Variants in TRPM3 observed in about 807,000 individuals in gnomAD.
TRPM3 encodes long transient receptor potential channel 3.
A neutral mutation model predicts 181.2 loss-of-function variants in TRPM3; 77 were observed. That is an observed-to-expected ratio of 0.42 (90% CI 0.35 to 0.51). TRPM3 has a LOEUF of 0.51. Among genes scored for constraint, TRPM3 ranks in the 20% least tolerant of loss-of-function variants. TRPM3 has a pLI of 0.01. For missense variants in TRPM3, 1,759 were observed against 2,196.7 expected, an observed-to-expected ratio of 0.80 and a Z score of 3.98; for synonymous variants, 745 against 796.4, an observed-to-expected ratio of 0.94 and a Z score of 1.09.
chr9:71,183,285 C>T (rs73647960), intron 1 of TRPM3, among the ~76,000 whole-genome samples: 30 of 152,210 alleles, frequency 2.0e-4, no homozygotes, highest in African/African-American at 5.1e-4. Context: ...ACTACCTGTT[C>T]GTCTCCTGCC....
intron 1 of TRPM3, among the ~76,000 whole-genome samples, chr9:71,292,813 C>T (rs2085927593): frequency 6.6e-6 from 1 of 151,826 alleles, no homozygotes; most frequent in African/African-American, 2.4e-5. Context: ...ACTTTTGATA[C>T]TGACACCAAA....
At position 70,846,364 on chromosome 9, in the gene TRPM3, C is replaced by T. The variant is rs761433265; in HGVS notation, c.676+14G>A. The T allele has an allele frequency of 2.5e-6, 4 of 1,610,280 alleles. No individual in the cohort carries two copies. In the African/African-American group the frequency reaches 5.3e-5, roughly 22 times the overall value. On this transcript the variant is annotated intron_variant, in intron 4 of 25. Transcript: ENST00000677713. ...ATGGCCTATGTTGACTTTCTCTGTT[C>T]CACTTGCAATTACCTGTGTTAACCC...
intron 1 of TRPM3, among the ~76,000 whole-genome samples, chr9:71,067,058 C>A (rs1456866828): frequency 1.1e-5 from 1 of 90,706 alleles, no homozygotes; most frequent in African/African-American, 2.9e-5. Context: ...TCTGTCAGCT[C>A]TTGAAACTCC....
At chr9:71,435,498 ACACTCAGAAACC>A (rs2094018685) in intron 1 of TRPM3, among the ~76,000 whole-genome samples, 1 of 152,216 alleles carries the variant, frequency 6.6e-6, no homozygotes, top group Admixed American at 6.5e-5. Context: ...TATAAATTCA[ACACTCAGAAACC>A]CAAAGTGTGC....
In TRPM3 at chr9:70,603,452, G is replaced by T. The variant is rs978579681; in HGVS notation, c.2686C>A (p.Leu896Met). ...WFYTLAYIGY[L>M]MLFNYIVLVK... is the part of the protein sequence containing the mutation. ...AACACGATATAGTTGAAGAGCATCAGGTATCCGATATACGCCAGCTGTAAG... is the reference window on the plus strand; with the variant it reads ...AACACGATATAGTTGAAGAGCATCATGTATCCGATATACGCCAGCTGTAAG... Residue 896 changes from leucine (L) to methionine (M), a missense_variant, in exon 20 of 26, where the codon CTG (leucine) becomes ATG (methionine). Coordinates refer to ENST00000677713, the MANE Select transcript of TRPM3 (RefSeq NM_001366145.2). 1 of 1,614,096 alleles carries T rather than the reference G, an allele frequency of 6.2e-7. No homozygotes were observed. The highest frequency in any genetic ancestry group is 8.5e-7 in the Non-Finnish European group (1 of 1,179,984).
At chr9:70,979,962 G>A (rs540282514) in intron 1 of TRPM3, among the ~76,000 whole-genome samples, 62 of 151,888 alleles carry the variant, frequency 4.1e-4, no homozygotes, top group South Asian at 8.3e-4. Context: ...TAATGATCTC[G>A]TAAAGACCCT....
intron 1 of TRPM3, among the ~76,000 whole-genome samples, chr9:71,173,605 G>C (rs961511314): frequency 6.6e-6 from 1 of 152,218 alleles, no homozygotes. Context: ...TATTGAGGGA[G>C]GTGCATGAAT....
At chr9:71,169,950 G>A (rs1017722484) in intron 1 of TRPM3, among the ~76,000 whole-genome samples, 3 of 142,502 alleles carry the variant, frequency 2.1e-5, no homozygotes, top group African/African-American at 5.2e-5. Context: ...TCAGTGAGCC[G>A]AGATCATGCC....
intron 1 of TRPM3, among the ~76,000 whole-genome samples, chr9:71,291,548 C>A (rs181248082): frequency 6.6e-6 from 1 of 152,072 alleles, no homozygotes; most frequent in Admixed American, 6.6e-5. Flanking sequence ...CTGAATCAAG[C>A]TAATCACTAC....
intron 1 of TRPM3, among the ~76,000 whole-genome samples, chr9:71,408,568 G>T (rs1426504875): frequency 1.3e-5 from 2 of 152,140 alleles, no homozygotes; most frequent in Non-Finnish European, 2.9e-5. Context: ...AGAGTAAAAA[G>T]AAATGAACAA....
At chr9:71,018,434 T>C (rs1006943975) in intron 1 of TRPM3, among the ~76,000 whole-genome samples, 2 of 151,698 alleles carry the variant, frequency 1.3e-5, no homozygotes, top group African/African-American at 4.8e-5. Context: ...GCAGGACTGA[T>C]TAGAAAAACA....
chr9:71,210,310 G>A (rs1002184443), intron 1 of TRPM3, among the ~76,000 whole-genome samples: 11 of 151,934 alleles, frequency 7.2e-5, no homozygotes, highest in African/African-American at 2.7e-4. Context: ...ACAAGCTCAG[G>A]GCTCTCACTG....
At chr9:71,316,892 C>G (rs1434798420) in intron 1 of TRPM3, among the ~76,000 whole-genome samples, 6 of 152,150 alleles carry the variant, frequency 3.9e-5, no homozygotes. Flanking sequence ...GGGCCACCTG[C>G]CTACCACTTT....
chr9:71,309,539 G>T (rs2087719613), intron 1 of TRPM3, among the ~76,000 whole-genome samples: 1 of 152,078 alleles, frequency 6.6e-6, no homozygotes, highest in Non-Finnish European at 1.5e-5. Context: ...AATAAAGTAT[G>T]CTCTGCAAAA....
intron 9 of TRPM3, among the ~76,000 whole-genome samples, chr9:70,680,471 T>A (rs562906370): frequency 6.6e-6 from 1 of 152,302 alleles, no homozygotes; most frequent in South Asian, 2.1e-4. Context: ...AATCATTGAG[T>A]AGCCCACTTG....
intron 19 of TRPM3, among the ~76,000 whole-genome samples, chr9:70,609,454 G>A (rs139601370): frequency 0.012 from 1,770 of 152,174 alleles, 34 homozygotes; most frequent in African/African-American, 0.04. Flanking sequence ...CTTTTCTCAA[G>A]ACCACACTTT....
intron 9 of TRPM3, among the ~76,000 whole-genome samples, chr9:70,652,780 G>A (rs1184188645): frequency 1.3e-5 from 2 of 152,218 alleles, no homozygotes; most frequent in Non-Finnish European, 2.9e-5. Flanking sequence ...GTGGCTGAGA[G>A]GTTCAGGAAG....
At chr9:70,700,269 C>T (rs1175715613) in intron 8 of TRPM3, among the ~76,000 whole-genome samples, 3 of 152,178 alleles carry the variant, frequency 2.0e-5, no homozygotes, top group Non-Finnish European at 4.4e-5. Flanking sequence ...AGGCGTGAGC[C>T]ACCACATCTG....
chr9:71,019,714 T>C (rs140637097), intron 1 of TRPM3, among the ~76,000 whole-genome samples: 2 of 152,138 alleles, frequency 1.3e-5, no homozygotes, highest in Non-Finnish European at 2.9e-5. Context: ...TTTTTACAAA[T>C]TGGCAATCTG....
Sources: gnomAD v4.1 joint callset for allele counts (sites outside exome capture counted in the v4.1 genomes callset) on GRCh38, gnomAD v4.1.1 for gene constraint, MANE v1.5 for transcripts, NCBI Gene and HGNC (gene_info 2026-07-23, HGNC 2026-07-21) for gene names.